Variants in FSTL5 observed in about 807,000 individuals in gnomAD.
The protein encoded by FSTL5 is follistatin like 5.
Under a neutral mutation model 89.1 loss-of-function variants are expected in FSTL5, and 62 were observed. The observed-to-expected ratio is 0.70, with a 90% CI of 0.57 to 0.86. FSTL5 has a LOEUF of 0.86. FSTL5 is among the 40% of genes least tolerant of loss of function. The probability of loss-of-function intolerance (pLI) is 0.00; values close to 1 mark genes in which losing one functional copy is unlikely to be tolerated. For missense variants in FSTL5, 1,057 were observed against 1,001.6 expected (o/e 1.06, Z -0.75); for synonymous variants, 383 against 346.2 (o/e 1.11, Z -1.18).
intron 2 of FSTL5, chr4:162,043,362 T>C (rs1231425913): frequency 6.6e-6 from 1 of 152,216 alleles, no homozygotes; most frequent in African/African-American, 2.4e-5. Flanking sequence ...GTTTACACTA[T>C]ACTATAGTCT....
At chr4:161,551,833 A>G (rs1380025186) in intron 8 of FSTL5, among the ~76,000 whole-genome samples, 2 of 151,970 alleles carry the variant, frequency 1.3e-5, no homozygotes, top group Non-Finnish European at 2.9e-5. Flanking sequence ...ACAAAAATCA[A>G]TTCAAGATGG....
rs1171950770 is a variant in FSTL5 at position 161,872,141 on chromosome 4, G to GTTTTTTTT, written c.409+48255_409+48262dup. ...GCTTTGTAGTTTGTTTTTTTTTTTG[G>GTTTTTTTT]TTTTTTTTTTTTTTTTTGTAGAGAC... On this transcript the variant is annotated intron_variant, in intron 4 of 15. Coordinates refer to ENST00000306100, the MANE Select transcript of FSTL5 (RefSeq NM_020116.5). Among the ~76,000 whole-genome samples the GTTTTTTTT allele has an allele frequency of 2.9e-3, 230 of 79,508 alleles. 3 individuals are homozygous for GTTTTTTTT. The highest frequency in any genetic ancestry group is 0.011 in the African/African-American group (208 of 18,650). 52.2% of individuals were successfully genotyped at this position (79,508 alleles called of 152,430 possible).
At chr4:161,439,277 G>A (rs1276916922) in intron 15 of FSTL5, among the ~76,000 whole-genome samples, 1 of 152,154 alleles carries the variant, frequency 6.6e-6, no homozygotes, top group Non-Finnish European at 1.5e-5. Flanking sequence ...CTATGTAAAC[G>A]AAGGGAAGGC....
At chr4:161,472,735 T>G (rs920368344) in intron 13 of FSTL5, among the ~76,000 whole-genome samples, 1 of 152,002 alleles carries the variant, frequency 6.6e-6, no homozygotes, top group Admixed American at 6.6e-5. Flanking sequence ...TGTAACTTTT[T>G]TTTTTTTTTT....
At chr4:161,941,690 G>A (rs1002165077) in intron 3 of FSTL5, among the ~76,000 whole-genome samples, 1 of 151,902 alleles carries the variant, frequency 6.6e-6, no homozygotes, top group Non-Finnish European at 1.5e-5. Context: ...TGCAGTTCTA[G>A]TTGCAGACTT....
intron 7 of FSTL5, among the ~76,000 whole-genome samples, chr4:161,654,301 C>T (rs542068537): frequency 2.0e-5 from 3 of 152,184 alleles, no homozygotes; most frequent in African/African-American, 4.8e-5. Context: ...TTTCAGACCA[C>T]AGCACCCTCA....
chr4:161,704,529 T>C (rs1353696479), intron 6 of FSTL5, among the ~76,000 whole-genome samples: 1 of 152,152 alleles, frequency 6.6e-6, no homozygotes. Flanking sequence ...AATTACCAGT[T>C]CTTGTCAAAG....
chr4:161,605,551 A>T (rs1734409363), intron 7 of FSTL5, among the ~76,000 whole-genome samples: 1 of 152,170 alleles, frequency 6.6e-6, no homozygotes, highest in African/African-American at 2.4e-5. Flanking sequence ...CTGCCATAAT[A>T]ACTGCTATGA....
intron 4 of FSTL5, among the ~76,000 whole-genome samples, chr4:161,855,011 T>G (rs1364845523): frequency 4.2e-4 from 8 of 19,168 alleles, no homozygotes; most frequent in African/African-American, 7.0e-4. Context: ...AGGTTTTTTT[T>G]TTTTTTTTTT....
chr4:161,580,241 C>T (rs1173215498), intron 8 of FSTL5, among the ~76,000 whole-genome samples: 1 of 152,118 alleles, frequency 6.6e-6, no homozygotes, highest in Non-Finnish European at 1.5e-5. Flanking sequence ...AATTTTGAGG[C>T]TTTGAAGTTA....
chr4:161,467,979 T>A (rs1733803324), intron 13 of FSTL5, among the ~76,000 whole-genome samples: 1 of 152,270 alleles, frequency 6.6e-6, no homozygotes, highest in East Asian at 1.9e-4. Flanking sequence ...TACACAGATG[T>A]ACCAGTATGG....
At chr4:161,459,127 C>A in intron 14 of FSTL5, 85 bp downstream of exon 14, 1 of 916,200 alleles carries the variant, frequency 1.1e-6, no homozygotes, top group Middle Eastern at 2.3e-4. Flanking sequence ...GGAAAAATAT[C>A]ATGGTTAAAT....
At chr4:161,781,415 CT>C (rs1244726861) in intron 4 of FSTL5, among the ~76,000 whole-genome samples, 1 of 151,786 alleles carries the variant, frequency 6.6e-6, no homozygotes, top group Non-Finnish European at 1.5e-5. Flanking sequence ...GTTTTTTGAA[CT>C]TTACTTAAGT....
chr4:161,763,111 A>G (rs1172149538), intron 5 of FSTL5, among the ~76,000 whole-genome samples: 1 of 152,140 alleles, frequency 6.6e-6, no homozygotes, highest in Non-Finnish European at 1.5e-5. Context: ...TGTTTTTACT[A>G]TTCTCCTTCA....
chr4:161,831,400 T>C (rs942732308), intron 4 of FSTL5, among the ~76,000 whole-genome samples: 5 of 151,938 alleles, frequency 3.3e-5, no homozygotes, highest in Non-Finnish European at 5.9e-5. Flanking sequence ...TGCCTGGCTA[T>C]TAAATTGACA....
intron 11 of FSTL5, among the ~76,000 whole-genome samples, chr4:161,503,664 T>C (rs1730377903): frequency 6.6e-6 from 1 of 151,946 alleles, no homozygotes; most frequent in African/African-American, 2.4e-5. Context: ...GTTAAGGAGA[T>C]TGTATACTTA....
At position 161,511,458 on chromosome 4, in the gene FSTL5, G is replaced by GCA. The variant is rs201186958; in HGVS notation, c.1313-1036_1313-1035dup. ...ATTCAAACATAAATACATGATGTGT[G>GCA]CATTCCTGCAGCACATTTTATGCTG... On this transcript the variant is annotated intron_variant, in intron 10 of 15. Transcript: ENST00000306100. 5.1e-4 allele frequency among the ~76,000 whole-genome samples: 78 copies of GCA among 152,216 alleles called. 1 individual carries two copies. The East Asian group carries it at 0.012, about 24-fold the overall frequency.
At chr4:162,133,939 C>G (rs536981904) in intron 1 of FSTL5, among the ~76,000 whole-genome samples, 1 of 152,296 alleles carries the variant, frequency 6.6e-6, no homozygotes, top group East Asian at 1.9e-4. Context: ...CTCTCGACAG[C>G]TAGAGTCATG....
intron 7 of FSTL5, among the ~76,000 whole-genome samples, chr4:161,593,425 G>T (rs907209865): frequency 6.6e-6 from 1 of 151,866 alleles, no homozygotes; most frequent in Non-Finnish European, 1.5e-5. Context: ...TTGAAAACAA[G>T]AACACGATTA....
Sources: allele counts gnomAD v4.1 joint callset (sites outside exome capture counted in the v4.1 genomes callset), GRCh38; gene constraint gnomAD v4.1.1; transcripts MANE v1.5; gene names NCBI Gene and HGNC (gene_info 2026-07-23, HGNC 2026-07-21).